ATP8B1: variants seen among roughly 807,000 people sequenced by gnomAD.
The protein encoded by ATP8B1 is ATPase phospholipid transporting 8B1.
In ATP8B1, 80 loss-of-function variants were observed where a neutral mutation model predicts 149.9. The observed-to-expected ratio is 0.53, with a 90% CI of 0.45 to 0.64. The LOEUF (loss-of-function observed/expected upper bound fraction) is 0.64, where lower values mean the gene tolerates loss of function less well. ATP8B1 is among the 30% of genes least tolerant of loss of function. The pLI, the probability that ATP8B1 is intolerant of heterozygous loss-of-function variation, is 0.00. For synonymous variants in ATP8B1, 536 were observed against 562.8 expected, an observed-to-expected ratio of 0.95 and a Z score of 0.67; for missense variants, 1,247 against 1,552.6, an observed-to-expected ratio of 0.80 and a Z score of 3.31.
chr18:57,695,642 T>C, intron 8 of ATP8B1, 110 bp from the exon 9 acceptor site: 1 of 832,578 alleles, frequency 1.2e-6, no homozygotes, highest in Non-Finnish European at 2.0e-6. Context: ...CCTAAATAAT[T>C]AGCTGTTTCT....
At chr18:57,752,020 A>T (rs1236058784) in intron 1 of ATP8B1, among the ~76,000 whole-genome samples, 1 of 152,036 alleles carries the variant, frequency 6.6e-6, no homozygotes, top group Non-Finnish European at 1.5e-5. Flanking sequence ...AGCCTGGGCA[A>T]CATGGCGAAA....
At position 57,653,999 on chromosome 18, in the gene ATP8B1, A is replaced by T. The variant is rs1369569300; in HGVS notation, c.3008T>A (p.Leu1003His). The T allele has an allele frequency of 5.6e-6, 9 of 1,613,690 alleles. No homozygotes were observed. The highest frequency in any genetic ancestry group is 7.6e-6 in the Non-Finnish European group (9 of 1,179,670). ...CTTGTGCGAGGCTCCTACCTGGTCG[A>T]GCAGCCCCATGAGGAGCACGGGCAG... ...TSLPVLLMGL[L>H]DQDVSDKLSL... The change falls in exon 24 of 28, where the codon CTC becomes CAC. Residue 1003 changes from leucine to histidine, a missense_variant. Transcript: ENST00000648908.
At chr18:57,651,879 T>C (rs1287575575) in intron 26 of ATP8B1, among the ~76,000 whole-genome samples, 155 bp downstream of exon 26, 1 of 151,918 alleles carries the variant, frequency 6.6e-6, no homozygotes, top group Non-Finnish European at 1.5e-5. Context: ...AGCAATCCAC[T>C]TGCCTCGGCC....
intron 18 of ATP8B1, 159 bp from the exon 19 acceptor site, chr18:57,668,699 A>G (rs892857928): frequency 1.4e-5 from 8 of 580,710 alleles, no homozygotes; most frequent in African/African-American, 1.3e-4. Flanking sequence ...GAAGGCTGCC[A>G]TGTTTCACAA....
Position 57,688,177 on chromosome 18 carries a change from C to T in ATP8B1, c.1429+122G>A, listed in dbSNP as rs184371940. On this transcript the variant is annotated intron_variant, in intron 13 of 27. Transcript: ENST00000648908. ...GTGCTTAGCTGGAGAATGGCCCTAG[C>T]AGCAGGACTCTGCATCGAGAGGGCA... 3,076 of 1,093,800 alleles carry T rather than the reference C, an allele frequency of 2.8e-3. 5 individuals carry two copies. Among genetic ancestry groups the T allele is most frequent in the Non-Finnish European group, 3.7e-3 (2,638 of 721,236 alleles). The allele number at this position is 1,093,800 out of a possible 1,614,324, so 67.8% of individuals were successfully genotyped here.
intron 2 of ATP8B1, among the ~76,000 whole-genome samples, chr18:57,723,587 AG>A (rs1247866592): frequency 2.1e-5 from 1 of 47,256 alleles, no homozygotes; most frequent in East Asian, 4.8e-4. Context: ...CCACTGCTCA[AG>A]GAAATAAAAG....
At chr18:57,772,470 G>T (rs567883847) in intron 1 of ATP8B1, among the ~76,000 whole-genome samples, 1 of 152,300 alleles carries the variant, frequency 6.6e-6, no homozygotes, top group African/African-American at 2.4e-5. Context: ...TTACTAAAGT[G>T]CGGGTAGACA....
chr18:57,728,880 G>A (rs919812018), intron 2 of ATP8B1, among the ~76,000 whole-genome samples: 2 of 151,612 alleles, frequency 1.3e-5, no homozygotes, highest in South Asian at 4.2e-4. Context: ...CCACCATGCC[G>A]GGCTAATTTT....
intron 15 of ATP8B1, among the ~76,000 whole-genome samples, chr18:57,678,634 T>C (rs991302942): frequency 1.8e-5 from 2 of 111,586 alleles, no homozygotes; most frequent in African/African-American, 6.1e-5. Context: ...GTTGATGGTA[T>C]AGTGGTGAGC....
At chr18:57,706,193 G>A (rs191092259) in intron 3 of ATP8B1, among the ~76,000 whole-genome samples, 22 of 152,230 alleles carry the variant, frequency 1.4e-4, no homozygotes, top group South Asian at 6.2e-4. Context: ...TTTCAAACAG[G>A]AGGCTTCTGT....
At chr18:57,683,227 G>A (rs11659760) in intron 15 of ATP8B1, among the ~76,000 whole-genome samples, 6 of 152,090 alleles carry the variant, frequency 3.9e-5, no homozygotes, top group Non-Finnish European at 5.9e-5. Flanking sequence ...TATGTATGCC[G>A]CACTGACTGA....
chr18:57,668,404 T>G, intron 19 of ATP8B1, 25 bp downstream of exon 19: 1 of 1,544,948 alleles, frequency 6.5e-7, no homozygotes, highest in Non-Finnish European at 9.0e-7. Flanking sequence ...AATTAACAGA[T>G]ATGCTTCCCT....
At chr18:57,757,853 A>G (rs1457023652) in intron 1 of ATP8B1, among the ~76,000 whole-genome samples, 1 of 152,214 alleles carries the variant, frequency 6.6e-6, no homozygotes, top group Non-Finnish European at 1.5e-5. Flanking sequence ...CATATCTCAT[A>G]GAATACTGTG....
At chr18:57,697,920 G>A in intron 6 of ATP8B1, 53 bp from the exon 7 acceptor site, 1 of 1,442,360 alleles carries the variant, frequency 6.9e-7, no homozygotes. Flanking sequence ...ACAGGCAAGG[G>A]AATTACTATT....
chr18:57,732,253 GTA>G (rs1427757085), intron 1 of ATP8B1, among the ~76,000 whole-genome samples: 2 of 18,080 alleles, frequency 1.1e-4, no homozygotes, highest in East Asian at 0.016. Flanking sequence ...ATGTATATAT[GTA>G]TATATGTGTA....
In ATP8B1 at chr18:57,651,451, C is replaced by T. The variant is rs1403283474; in HGVS notation, c.3400+583G>A. Among the ~76,000 whole-genome samples the T allele has an allele frequency of 1.1e-4, 17 of 152,014 alleles. 1 individual carries two copies. Among genetic ancestry groups the T allele is most frequent in the Admixed American group, 1.1e-3 (17 of 15,250 alleles). On this transcript the variant is annotated intron_variant, in intron 26 of 27. Transcript: ENST00000648908. Reference sequence around the variant, plus strand: ...AAAGAAAGAATAGGCTTTTATCCAGCCTTTTAAGTCTTAAGTTATCTAATT... The same window carrying T: ...AAAGAAAGAATAGGCTTTTATCCAGTCTTTTAAGTCTTAAGTTATCTAATT...
At chr18:57,704,157 G>A (rs951555805) in intron 4 of ATP8B1, among the ~76,000 whole-genome samples, 6 of 152,044 alleles carry the variant, frequency 3.9e-5, no homozygotes, top group East Asian at 1.9e-4. Flanking sequence ...TAGTAGAAAC[G>A]GGGTTTAACC....
chr18:57,744,354 G>A lies in ATP8B1; in HGVS notation c.-25-12522C>T, dbSNP rs369154387. 2.8e-3 allele frequency among the ~76,000 whole-genome samples: 427 copies of A among 151,390 alleles called. 4 individuals carry two copies. Among genetic ancestry groups the A allele is most frequent in the African/African-American group, 9.1e-3 (376 of 41,290 alleles). ...AGAAATACAGGCCTGAACTAGGGTG[G>A]TGGCAGCCAGAAAAATGTGCTTAAA... is the stretch of plus-strand genomic sequence containing the variant. On this transcript the variant is annotated intron_variant, in intron 1 of 27. Coordinates refer to ENST00000648908, the MANE Select transcript of ATP8B1 (RefSeq NM_001374385.1).
chr18:57,738,762 C>T (rs1216460274), intron 1 of ATP8B1, among the ~76,000 whole-genome samples: 3 of 152,296 alleles, frequency 2.0e-5, no homozygotes, highest in South Asian at 4.1e-4. Flanking sequence ...GGAAATGCTG[C>T]GAGATCCCTC....
Sources: gnomAD v4.1 joint callset for allele counts (sites outside exome capture counted in the v4.1 genomes callset) on GRCh38, gnomAD v4.1.1 for gene constraint, MANE v1.5 for transcripts, NCBI Gene and HGNC (gene_info 2026-07-23, HGNC 2026-07-21) for gene names.